The following AMD1 variants were observed in gnomAD, a reference collection of about 807,000 sequenced individuals.
The protein encoded by AMD1 is S-adenosylmethionine decarboxylase proenzyme.
AMD1 carries 11 observed loss-of-function variants against 40.2 expected under a neutral mutation model. The observed-to-expected ratio is 0.27, with a 90% CI of 0.17 to 0.45. The LOEUF (loss-of-function observed/expected upper bound fraction) is 0.45. Among genes scored for constraint, AMD1 ranks in the 20% least tolerant of loss-of-function variants. AMD1 has a pLI of 1.00. For synonymous variants in AMD1, 121 were observed against 130.8 expected, an observed-to-expected ratio of 0.93 and a Z score of 0.51; for missense variants, 257 against 410.2, an observed-to-expected ratio of 0.63 and a Z score of 3.23.
At chr6:110,839,599 G>T in the AMD1 span, among the ~76,000 whole-genome samples, 1 of 152,096 alleles carries the variant, frequency 6.6e-6, no homozygotes, top group African/African-American at 2.4e-5. Flanking sequence ...CCAGCCTGGG[G>T]AACAGAGTGA....
At chr6:110,829,785 A>G in the AMD1 span, among the ~76,000 whole-genome samples, 1 of 151,940 alleles carries the variant, frequency 6.6e-6, no homozygotes, top group Non-Finnish European at 1.5e-5. Flanking sequence ...AGTTGAGGCT[A>G]CGGTGAGTCA....
chr6:110,849,573 A>C, the AMD1 span, among the ~76,000 whole-genome samples: 11 of 152,202 alleles, frequency 7.2e-5, no homozygotes, highest in Admixed American at 7.2e-4. Context: ...TCCTTGAATA[A>C]AGATTTATTG....
rs1364793518 is a variant in AMD1, at chr6:110,895,421, T to C, written c.*1805T>C. On this transcript the variant is annotated 3_prime_UTR_variant, in exon 9 of 9. Coordinates refer to ENST00000368885, the MANE Select transcript of AMD1 (RefSeq NM_001634.6). ...GTTCGTAAACAATATCCCAATAGAT[T>C]TGTTGACTTGAGGTCTGGTTTGGTT... is the stretch of plus-strand genomic sequence containing the variant. 2 of 151,270 alleles carry C rather than the reference T, an allele frequency of 1.3e-5. No homozygotes were observed. The highest frequency in any genetic ancestry group is 2.9e-5 in the Non-Finnish European group (2 of 67,900). 9.4% of individuals were successfully genotyped at this position (151,270 alleles called of 1,614,324 possible).
At chr6:110,891,819 T>A in intron 4 of AMD1, 1 of 278,390 alleles carries the variant, frequency 3.6e-6, no homozygotes, top group Non-Finnish European at 6.9e-6. Context: ...CTTGGCTCAC[T>A]GCAACCTCCG....
At chr6:110,879,140 G>C (rs1313209717) in intron 1 of AMD1, among the ~76,000 whole-genome samples, 1 of 152,106 alleles carries the variant, frequency 6.6e-6, no homozygotes, top group African/African-American at 2.4e-5. Context: ...GAGTTTGAGA[G>C]CCCAGTCTGG....
the AMD1 span, chr6:110,814,885 C>G: frequency 2.2e-6 from 3 of 1,338,744 alleles, 1 homozygote; most frequent in East Asian, 8.0e-5. Flanking sequence ...CCGGACGCAA[C>G]CCCGCGACCC....
At chr6:110,847,620 A>G in the AMD1 span, among the ~76,000 whole-genome samples, 2 of 152,044 alleles carry the variant, frequency 1.3e-5, no homozygotes, top group African/African-American at 4.8e-5. Context: ...TAATTAATGG[A>G]TGATAATCTC....
chr6:110,847,530 A>C, the AMD1 span, among the ~76,000 whole-genome samples: 1 of 151,836 alleles, frequency 6.6e-6, no homozygotes, highest in Non-Finnish European at 1.5e-5. Context: ...GTCTCAAAAA[A>C]AAAAAGAATT....
At position 110,892,715 on chromosome 6, in the gene AMD1, C is replaced by T. The variant is rs200379381; in HGVS notation, c.616-20C>T. ...TTATTTGTCAAACCCTTGTTAAACT[C>T]GGTCTTTTTCCCCCCCCAGGAGAGT... On this transcript the variant is annotated intron_variant, in intron 6 of 8. Coordinates refer to ENST00000368885, the MANE Select transcript of AMD1 (RefSeq NM_001634.6). The T allele has an allele frequency of 4.2e-4, 640 of 1,518,628 alleles. 2 individuals carry two copies. The African/African-American group carries it at 8.1e-3, about 19-fold the overall frequency. 94.1% of individuals were successfully genotyped at this position (1,518,628 alleles called of 1,614,324 possible). A position where few individuals can be genotyped will look rare whatever the true frequency, so the allele number is the denominator to read the frequency against.
Position 110,895,455 on chromosome 6 carries a change from G to GT in AMD1, c.*1843dup, listed in dbSNP as rs766436968. The GT allele has an allele frequency of 2.7e-5, 2 of 73,532 alleles. No homozygotes were observed. Among genetic ancestry groups the GT allele is most frequent in the African/African-American group, 7.7e-5 (1 of 12,934 alleles). The allele number at this position is 73,532 out of a possible 1,614,324, so 4.6% of individuals were successfully genotyped here. On this transcript the variant is annotated 3_prime_UTR_variant, in exon 9 of 9. Transcript: ENST00000368885. ...TGAGGTCTGGTTTGGTTTTGTTTTT[G>GT]TTTTGTTTTGTTTTGTTTTGTTTCC...
chr6:110,826,762 G>A, the AMD1 span, among the ~76,000 whole-genome samples: 1 of 150,286 alleles, frequency 6.7e-6, no homozygotes, highest in African/African-American at 2.5e-5. Flanking sequence ...CGAAATCCCG[G>A]CTCACTGCAA....
the AMD1 span, among the ~76,000 whole-genome samples, chr6:110,819,641 C>T: frequency 6.6e-6 from 1 of 152,098 alleles, no homozygotes; most frequent in Non-Finnish European, 1.5e-5. Flanking sequence ...CCTATGGGGG[C>T]ATCAAGATAG....
chr6:110,821,628 G>A, the AMD1 span, among the ~76,000 whole-genome samples: 2,440 of 151,614 alleles, frequency 0.016, 25 homozygotes, highest in Middle Eastern at 0.034. Context: ...AGAAGAAGAA[G>A]AAAGAAAAGA....
chr6:110,820,578 T>C, the AMD1 span, among the ~76,000 whole-genome samples: 9 of 151,058 alleles, frequency 6.0e-5, no homozygotes, highest in African/African-American at 2.2e-4. Flanking sequence ...GGCCCAATGC[T>C]CACAAAATGG....
the AMD1 span, among the ~76,000 whole-genome samples, chr6:110,855,105 G>A: frequency 8.1e-5 from 10 of 123,508 alleles, 1 homozygote; most frequent in Admixed American, 5.1e-4. Flanking sequence ...AATTGTCCAG[G>A]CTGTTCTTGA....
the AMD1 span, among the ~76,000 whole-genome samples, chr6:110,824,229 T>C: frequency 1.3e-5 from 2 of 152,170 alleles, no homozygotes; most frequent in African/African-American, 4.8e-5. Context: ...CGCCATGGAA[T>C]ACCACTCATT....
the AMD1 span, chr6:110,815,028 T>G: frequency 6.2e-7 from 1 of 1,604,198 alleles, no homozygotes; most frequent in Non-Finnish European, 8.5e-7. Context: ...CGCCTCGCCT[T>G]GTAGACGTGA....
At chr6:110,869,139 C>CT in the AMD1 span, among the ~76,000 whole-genome samples, 19 of 150,290 alleles carry the variant, frequency 1.3e-4, no homozygotes, top group East Asian at 1.2e-3. Context: ...ACTTTAGCTT[C>CT]TTTTTTTTTG....
At chr6:110,884,551 A>AATT (rs1317124930) in intron 1 of AMD1, among the ~76,000 whole-genome samples, 2 of 152,076 alleles carry the variant, frequency 1.3e-5, no homozygotes, top group Non-Finnish European at 2.9e-5. Flanking sequence ...TTCCCACATC[A>AATT]GCCTACCGAG....
Sources: allele counts gnomAD v4.1 joint callset (sites outside exome capture counted in the v4.1 genomes callset), GRCh38; gene constraint gnomAD v4.1.1; transcripts MANE v1.5; gene names NCBI Gene and HGNC (gene_info 2026-07-23, HGNC 2026-07-21).